STK32B: variants seen among roughly 807,000 people sequenced by gnomAD.
The protein encoded by STK32B is serine/threonine kinase 32B.
A neutral mutation model predicts 52.6 loss-of-function variants in STK32B; 43 were observed. The observed-to-expected ratio is 0.82, with a 90% CI of 0.64 to 1.05. The LOEUF (loss-of-function observed/expected upper bound fraction) is 1.05. Ranked by LOEUF, STK32B falls within the 50% of genes least tolerant of loss-of-function variation. STK32B has a pLI of 0.00. For synonymous variants in STK32B, 238 were observed against 204.3 expected, an observed-to-expected ratio of 1.17 and a Z score of -1.41; for missense variants, 621 against 534.6, an observed-to-expected ratio of 1.16 and a Z score of -1.59.
At chr4:5,029,287 TAA>T in the STK32B span, among the ~76,000 whole-genome samples, 3 of 152,192 alleles carry the variant, frequency 2.0e-5, no homozygotes, top group African/African-American at 7.2e-5. Context: ...GCAGTTGTAA[TAA>T]AAGTCACTTG....
intron 6 of STK32B, among the ~76,000 whole-genome samples, chr4:5,433,906 G>A (rs1278909579): frequency 6.6e-6 from 1 of 152,192 alleles, no homozygotes; most frequent in Non-Finnish European, 1.5e-5. Context: ...CATTTCTGAG[G>A]GAAAGAAAGG....
chr4:5,123,256 C>G (rs28716065), intron 1 of STK32B, among the ~76,000 whole-genome samples: 2,170 of 152,254 alleles, frequency 0.014, 55 homozygotes, highest in African/African-American at 0.05. Context: ...CCATGTGTCT[C>G]TCAAGTTTCC....
chr4:5,054,320 T>G (rs1285911088), intron 1 of STK32B, among the ~76,000 whole-genome samples: 1 of 152,006 alleles, frequency 6.6e-6, no homozygotes, highest in Admixed American at 6.6e-5. Flanking sequence ...AGGCGACTGA[T>G]ATCCTGGAGG....
At chr4:5,319,235 G>A (rs559761285) in intron 3 of STK32B, among the ~76,000 whole-genome samples, 1 of 152,268 alleles carries the variant, frequency 6.6e-6, no homozygotes, top group East Asian at 1.9e-4. Context: ...TGACTAATGA[G>A]GATATGGGGC....
intron 3 of STK32B, among the ~76,000 whole-genome samples, chr4:5,311,436 CAGT>C (rs749770273): frequency 2.6e-5 from 4 of 151,844 alleles, no homozygotes; most frequent in Non-Finnish European, 4.4e-5. Context: ...AAATAATAAA[CAGT>C]AGAAATCAAT....
chr4:5,422,521 A>G (rs1372549499), intron 6 of STK32B, among the ~76,000 whole-genome samples: 1 of 152,176 alleles, frequency 6.6e-6, no homozygotes, highest in African/African-American at 2.4e-5. Flanking sequence ...CAATTGGAGA[A>G]AAAAAAAGAT....
chr4:5,193,295 C>T (rs1002499524), intron 3 of STK32B, among the ~76,000 whole-genome samples: 6 of 152,240 alleles, frequency 3.9e-5, no homozygotes, highest in African/African-American at 9.6e-5. Flanking sequence ...CCTCCTTGCT[C>T]GGCAGATCAT....
At chr4:5,214,224 C>T (rs996760748) in intron 3 of STK32B, 2 of 152,188 alleles carry the variant, frequency 1.3e-5, no homozygotes, top group African/African-American at 4.8e-5. Flanking sequence ...GTGTGTAGTG[C>T]TTCCTCCTTG....
chr4:5,456,559 C>T (rs562650290), intron 7 of STK32B, among the ~76,000 whole-genome samples: 11 of 152,244 alleles, frequency 7.2e-5, no homozygotes, highest in East Asian at 1.9e-4. Context: ...TGTGTGACCT[C>T]GGTGAGCCAC....
chr4:5,124,953 AC>A (rs1192079603), intron 1 of STK32B, among the ~76,000 whole-genome samples: 3 of 152,128 alleles, frequency 2.0e-5, no homozygotes, highest in Admixed American at 2.0e-4. Context: ...AATGACAGGA[AC>A]TCTCTCAAAG....
intron 3 of STK32B, among the ~76,000 whole-genome samples, chr4:5,293,115 A>T (rs1728989771): frequency 6.6e-6 from 1 of 152,106 alleles, no homozygotes; most frequent in Admixed American, 6.6e-5. Context: ...TGCAAAAGAC[A>T]TTAACTCATT....
At chr4:5,159,475 T>C (rs776764266) in intron 2 of STK32B, among the ~76,000 whole-genome samples, 16 of 133,632 alleles carry the variant, frequency 1.2e-4, no homozygotes, top group East Asian at 2.0e-4. Context: ...CACACACACA[T>C]ATATATGAAT....
At chr4:5,144,783 C>CTCATCCATTCAT (rs1553835872) in intron 2 of STK32B, among the ~76,000 whole-genome samples, 5 of 121,120 alleles carry the variant, frequency 4.1e-5, no homozygotes, top group African/African-American at 2.2e-4. Flanking sequence ...CACTCATTCA[C>CTCATCCATTCAT]TCATCCATCC....
At chr4:5,241,672 C>T (rs1385099916) in intron 3 of STK32B, among the ~76,000 whole-genome samples, 3 of 151,894 alleles carry the variant, frequency 2.0e-5, no homozygotes, top group Non-Finnish European at 4.4e-5. Flanking sequence ...GTGTGCTGCA[C>T]CCATTAACTC....
chr4:5,198,953 G>A (rs1560218164), intron 3 of STK32B, among the ~76,000 whole-genome samples: 3 of 151,274 alleles, frequency 2.0e-5, no homozygotes, highest in Non-Finnish European at 4.4e-5. Flanking sequence ...ATGAGGTGCA[G>A]TGAAAGGAAA....
intron 7 of STK32B, among the ~76,000 whole-genome samples, chr4:5,449,938 T>G (rs1203783774): frequency 1.3e-5 from 2 of 152,178 alleles, no homozygotes; most frequent in Non-Finnish European, 2.9e-5. Context: ...AATTATTTAA[T>G]TATATATTAC....
At chr4:5,346,979 G>A (rs1002669286) in intron 4 of STK32B, among the ~76,000 whole-genome samples, 1 of 152,176 alleles carries the variant, frequency 6.6e-6, no homozygotes, top group Non-Finnish European at 1.5e-5. Flanking sequence ...AAAACCATCA[G>A]ATCCTGTGAG....
intron 4 of STK32B, among the ~76,000 whole-genome samples, chr4:5,349,766 G>C (rs1733709329): frequency 6.6e-6 from 1 of 152,062 alleles, no homozygotes; most frequent in African/African-American, 2.4e-5. Context: ...ATATGCCTGA[G>C]AAATCTACCA....
chr4:5,449,295 A>G (rs1372374437), intron 7 of STK32B, among the ~76,000 whole-genome samples: 1 of 152,168 alleles, frequency 6.6e-6, no homozygotes, highest in African/African-American at 2.4e-5. Flanking sequence ...GTGAGCCAAG[A>G]TCGTGCCACT....
Sources: allele counts gnomAD v4.1 joint callset (sites outside exome capture counted in the v4.1 genomes callset), GRCh38; gene constraint gnomAD v4.1.1; transcripts MANE v1.5; gene names NCBI Gene and HGNC (gene_info 2026-07-23, HGNC 2026-07-21).